VTA1: variants seen among roughly 807,000 people sequenced by gnomAD.
VTA1 encodes the protein vesicle trafficking 1, also known as vacuolar protein sorting-associated protein VTA1 homolog.
Under a neutral mutation model 36.9 loss-of-function variants are expected in VTA1, and 24 were observed. The observed-to-expected ratio is 0.65, with a 90% CI of 0.47 to 0.91. The LOEUF (loss-of-function observed/expected upper bound fraction) is 0.91. VTA1 is among the 40% of genes least tolerant of loss of function. The probability of loss-of-function intolerance (pLI) is 0.00; values close to 1 mark genes in which losing one functional copy is unlikely to be tolerated. For missense variants in VTA1, 393 were observed against 377.2 expected (o/e 1.04, Z -0.35); for synonymous variants, 142 against 130.2 (o/e 1.09, Z -0.62).
intron 6 of VTA1, among the ~76,000 whole-genome samples, chr6:142,201,948 GA>G (rs1775693597): frequency 1.3e-5 from 2 of 151,916 alleles, no homozygotes; most frequent in African/African-American, 4.8e-5. Context: ...GATTTGTTTG[GA>G]GGATTTTAAT....
chr6:142,164,547 A>G (rs1774877197), intron 1 of VTA1, among the ~76,000 whole-genome samples: 1 of 152,192 alleles, frequency 6.6e-6, no homozygotes, highest in Non-Finnish European at 1.5e-5. Context: ...AAAAACACAC[A>G]GATATGATAA....
rs1448934983 is a variant in VTA1 at position 142,221,280 on chromosome 6, G to A, written c.*2637G>A. 2 of 152,192 alleles carry A rather than the reference G, an allele frequency of 1.3e-5. No individual in the cohort carries two copies. The highest frequency in any genetic ancestry group is 3.9e-4 in the East Asian group (2 of 5,194). 9.4% of individuals were successfully genotyped at this position (152,192 alleles called of 1,614,324 possible). On this transcript the variant is annotated 3_prime_UTR_variant, in exon 8 of 8. Coordinates refer to ENST00000367630, the MANE Select transcript of VTA1 (RefSeq NM_016485.5). ...GGAGGAAACATTGAGGACAGGATAG[G>A]AGATGCTTAGGTGTGTACAGACATA...
At chr6:142,169,187 AATTCT>A (rs1774981322) in intron 2 of VTA1, among the ~76,000 whole-genome samples, 1 of 152,174 alleles carries the variant, frequency 6.6e-6, no homozygotes, top group Non-Finnish European at 1.5e-5. Context: ...ATTATTTTCT[AATTCT>A]ATTTTTAGGG....
At chr6:142,189,399 T>C in intron 4 of VTA1, 27 bp from the exon 5 acceptor site, 1 of 1,537,432 alleles carries the variant, frequency 6.5e-7, no homozygotes. Context: ...CATAGTCCAA[T>C]GTTGATATAA....
chr6:142,176,036 T>A (rs1317680982), intron 4 of VTA1, among the ~76,000 whole-genome samples: 1 of 152,158 alleles, frequency 6.6e-6, no homozygotes, highest in African/African-American at 2.4e-5. Flanking sequence ...TGTAGTTCTC[T>A]TGGAATCAGT....
At chr6:142,202,256 T>C (rs1369516708) in intron 6 of VTA1, among the ~76,000 whole-genome samples, 2 of 151,938 alleles carry the variant, frequency 1.3e-5, no homozygotes, top group Admixed American at 6.6e-5. Flanking sequence ...TGAGTACTTA[T>C]CAAAATCAAG....
At chr6:142,194,590 G>A (rs1299888987) in intron 5 of VTA1, among the ~76,000 whole-genome samples, 4 of 151,876 alleles carry the variant, frequency 2.6e-5, no homozygotes, top group Non-Finnish European at 1.5e-5. Context: ...ATTGATTTTT[G>A]TATAATTTTT....
chr6:142,155,309 AACGTG>A, intron 1 of VTA1, among the ~76,000 whole-genome samples: 2 of 152,156 alleles, frequency 1.3e-5, no homozygotes, highest in African/African-American at 4.8e-5. Context: ...AGTTTGGGGA[AACGTG>A]TTCAGGAAAT....
chr6:142,188,768 C>G (rs1208197986), intron 4 of VTA1, among the ~76,000 whole-genome samples: 25 of 152,246 alleles, frequency 1.6e-4, no homozygotes, highest in Admixed American at 1.2e-3. Context: ...AAATTTTTAT[C>G]TTACATCCTG....
intron 4 of VTA1, among the ~76,000 whole-genome samples, chr6:142,188,236 T>TC (rs1775384858): frequency 9.7e-6 from 1 of 103,048 alleles, no homozygotes; most frequent in Non-Finnish European, 2.0e-5. Context: ...TTTTTTTTTT[T>TC]TTTTTTTTTT....
chr6:142,190,685 A>G (rs2114666346), intron 5 of VTA1, among the ~76,000 whole-genome samples: 1 of 152,356 alleles, frequency 6.6e-6, no homozygotes, highest in African/African-American at 2.4e-5. Context: ...ATTTTGTTAC[A>G]CACTTTTATG....
intron 5 of VTA1, among the ~76,000 whole-genome samples, chr6:142,193,942 A>G (rs1775499048): frequency 6.6e-6 from 1 of 152,066 alleles, no homozygotes; most frequent in African/African-American, 2.4e-5. Context: ...TATTGATGAC[A>G]TTATGCTGAT....
intron 2 of VTA1, among the ~76,000 whole-genome samples, chr6:142,168,970 T>C (rs225661): frequency 0.41 from 62,001 of 151,252 alleles, 13,290 homozygotes; most frequent in Middle Eastern, 0.55. Context: ...GGGGTTTCAC[T>C]GTGTTAGCCA....
At position 142,189,914 on chromosome 6, in the gene VTA1, G is replaced by A. The variant is rs192024739; in HGVS notation, c.520+380G>A. The stretch of plus-strand genomic sequence containing the variant: ...TGGGACTACAGGCGCCTGCCACCAC[G>A]CCTGGCTAATTTTTTTGTACTTTTA... On this transcript the variant is annotated intron_variant, in intron 5 of 7. Coordinates refer to ENST00000367630, the MANE Select transcript of VTA1 (RefSeq NM_016485.5). 1.8e-3 allele frequency among the ~76,000 whole-genome samples: 268 copies of A among 152,110 alleles called. 2 individuals carry two copies. The highest frequency in any genetic ancestry group is 5.4e-3 in the African/African-American group (226 of 41,510).
rs541385499 is a variant in VTA1, at chr6:142,197,989, C to T, written c.521-450C>T. 5.3e-5 allele frequency among the ~76,000 whole-genome samples: 8 copies of T among 150,116 alleles called. No individual in the cohort carries two copies. In the East Asian group the frequency reaches 1.4e-3, roughly 26 times the overall value. On this transcript the variant is annotated intron_variant, in intron 5 of 7. Coordinates refer to ENST00000367630, the MANE Select transcript of VTA1 (RefSeq NM_016485.5). ...GCAGGCGCCTGTAGTCCCAGCTACTCGGGAGGCTGAGGCAGGAGAATGGCG... is the reference window on the plus strand; with the variant it reads ...GCAGGCGCCTGTAGTCCCAGCTACTTGGGAGGCTGAGGCAGGAGAATGGCG...
At chr6:142,187,305 T>G (rs1775358993) in intron 4 of VTA1, among the ~76,000 whole-genome samples, 2 of 152,176 alleles carry the variant, frequency 1.3e-5, no homozygotes, top group South Asian at 4.1e-4. Context: ...TCACAAAGAT[T>G]GGCATAGTCC....
intron 4 of VTA1, among the ~76,000 whole-genome samples, chr6:142,181,349 G>A (rs1440204708): frequency 6.8e-6 from 1 of 147,950 alleles, no homozygotes; most frequent in African/African-American, 2.4e-5. Flanking sequence ...TAGCCAGGAT[G>A]GTCTCAATCT....
At chr6:142,180,523 G>A (rs1004973519) in intron 4 of VTA1, among the ~76,000 whole-genome samples, 1 of 152,062 alleles carries the variant, frequency 6.6e-6, no homozygotes, top group Non-Finnish European at 1.5e-5. Flanking sequence ...AATTATTAGT[G>A]GGCTTTAAAA....
chr6:142,216,965 G>A (rs225708), intron 7 of VTA1, among the ~76,000 whole-genome samples: 57,944 of 152,030 alleles, frequency 0.38, 13,223 homozygotes, highest in Middle Eastern at 0.54. Context: ...CCTAGACAGC[G>A]TATGTAGTGT....
Sources: allele counts gnomAD v4.1 joint callset (sites outside exome capture counted in the v4.1 genomes callset), GRCh38; gene constraint gnomAD v4.1.1; transcripts MANE v1.5; gene names NCBI Gene and HGNC (gene_info 2026-07-23, HGNC 2026-07-21).